Variants in BMP2K observed in about 807,000 individuals in gnomAD.
BMP2K encodes the protein BMP2 inducible kinase.
BMP2K carries 74 observed loss-of-function variants against 116.0 expected under a neutral mutation model. The observed-to-expected ratio is 0.64, with a 90% CI of 0.53 to 0.77. The LOEUF (loss-of-function observed/expected upper bound fraction) is 0.77, where lower values mean the gene tolerates loss of function less well. Among genes scored for constraint, BMP2K ranks in the 30% least tolerant of loss-of-function variants. The pLI, the probability that BMP2K is intolerant of heterozygous loss-of-function variation, is 0.00. For synonymous variants in BMP2K, 486 were observed against 502.5 expected (o/e 0.97, Z 0.44); for missense variants, 1,365 against 1,403.6 (o/e 0.97, Z 0.44).
At chr4:78,900,811 C>T (rs539733720) in intron 15 of BMP2K, among the ~76,000 whole-genome samples, 1 of 152,206 alleles carries the variant, frequency 6.6e-6, no homozygotes, top group South Asian at 2.1e-4. Flanking sequence ...TCCATTTACG[C>T]AAAAATCAAA....
At chr4:78,826,246 G>T in intron 2 of BMP2K, 91 bp downstream of exon 2, 2 of 972,950 alleles carry the variant, frequency 2.1e-6, no homozygotes, top group Non-Finnish European at 3.2e-6. Context: ...GGCACGCCCA[G>T]GCTGGAGCGC....
intron 3 of BMP2K, among the ~76,000 whole-genome samples, chr4:78,835,443 G>A (rs560800763): frequency 6.6e-6 from 1 of 151,874 alleles, no homozygotes; most frequent in Non-Finnish European, 1.5e-5. Flanking sequence ...GGCTAACACG[G>A]TGAAACCCTG....
chr4:78,826,085 G>A lies in BMP2K; in HGVS notation c.227G>A (p.Cys76Tyr). Residue 76 changes from cysteine (C) to tyrosine (Y), a missense_variant, in exon 2 of 16, where the codon TGT (cysteine) becomes TAT (tyrosine). Physicochemically the swap from Cys to Tyr is radical, Grantham distance 194. This residue lies in a region of BMP2K where 762 missense variants were observed against 756.7 expected (regional missense o/e 1.01). Coordinates refer to ENST00000502613, the MANE Select transcript of BMP2K (RefSeq NM_198892.2). ...FLVRTHGGIR[C>Y]ALKRMYVNNM... ...GTGCGTACTCACGGTGGAATCCGAT[G>A]TGCATTGAAGCGAATGTATGTCAAT... The A allele has an allele frequency of 6.2e-7, 1 of 1,614,192 alleles. No homozygotes were observed. Among genetic ancestry groups the A allele is most frequent in the Non-Finnish European group, 8.5e-7 (1 of 1,180,018 alleles).
intron 15 of BMP2K, among the ~76,000 whole-genome samples, chr4:78,905,210 C>T (rs1011909919): frequency 4.6e-5 from 7 of 151,742 alleles, no homozygotes; most frequent in African/African-American, 9.7e-5. Context: ...GATTTTTGCA[C>T]GGCATTTATT....
At chr4:78,799,728 G>C (rs1728477073) in intron 1 of BMP2K, among the ~76,000 whole-genome samples, 1 of 152,092 alleles carries the variant, frequency 6.6e-6, no homozygotes, top group African/African-American at 2.4e-5. Flanking sequence ...CATGTGCTAT[G>C]GTTACAGTGA....
intron 9 of BMP2K, among the ~76,000 whole-genome samples, chr4:78,862,646 C>A (rs1451823612): frequency 1.3e-5 from 2 of 152,038 alleles, no homozygotes; most frequent in Non-Finnish European, 2.9e-5. Context: ...TAATTTTCAA[C>A]CTTCTAGTCA....
intron 13 of BMP2K, among the ~76,000 whole-genome samples, chr4:78,874,633 C>T (rs1353539930): frequency 6.6e-6 from 1 of 152,092 alleles, no homozygotes; most frequent in Non-Finnish European, 1.5e-5. Context: ...ATTGTGTATA[C>T]TTCATATTCT....
chr4:78,829,449 C>T (rs1365323251), intron 2 of BMP2K, among the ~76,000 whole-genome samples: 2 of 148,312 alleles, frequency 1.3e-5, no homozygotes, highest in Non-Finnish European at 3.0e-5. Flanking sequence ...TTACTTCCTT[C>T]ACTGAAGTCA....
At chr4:78,853,452 G>A (rs1731353157) in intron 7 of BMP2K, among the ~76,000 whole-genome samples, 1 of 152,062 alleles carries the variant, frequency 6.6e-6, no homozygotes, top group African/African-American at 2.4e-5. Flanking sequence ...GGGCCGACAT[G>A]GGGGATGAGG....
rs1224701752 is a variant in BMP2K, at chr4:78,912,335, T to C, written c.*302T>C. On this transcript the variant is annotated 3_prime_UTR_variant, in exon 16 of 16. Coordinates refer to ENST00000502613, the MANE Select transcript of BMP2K (RefSeq NM_198892.2). ...TGAAAGCACATGGCACCTTTCTAGG[T>C]GTGTAGCCACTGAGAAGGGACAGTG... 3.5e-6 allele frequency: 1 copy of C among 288,970 alleles called. No homozygotes were observed. The highest frequency in any genetic ancestry group is 2.2e-5 in the African/African-American group (1 of 46,076). The allele number at this position is 288,970 out of a possible 1,614,324, so 17.9% of individuals were successfully genotyped here.
intron 15 of BMP2K, among the ~76,000 whole-genome samples, chr4:78,908,058 G>A (rs905237066): frequency 1.3e-5 from 2 of 152,014 alleles, no homozygotes; most frequent in Non-Finnish European, 2.9e-5. Flanking sequence ...TCATAAATAC[G>A]CTGTGTAGGG....
At chr4:78,795,477 G>A (rs2109942558) in intron 1 of BMP2K, among the ~76,000 whole-genome samples, 1 of 152,068 alleles carries the variant, frequency 6.6e-6, no homozygotes, top group East Asian at 1.9e-4. Context: ...CATAGGCATG[G>A]GCAAGGACTT....
At chr4:78,845,810 C>T (rs1730970749) in intron 5 of BMP2K, among the ~76,000 whole-genome samples, 1 of 151,596 alleles carries the variant, frequency 6.6e-6, no homozygotes, top group Non-Finnish European at 1.5e-5. Flanking sequence ...TCAGAGCCAT[C>T]ATTTGAACTG....
intron 8 of BMP2K, among the ~76,000 whole-genome samples, chr4:78,860,395 T>C (rs1388797628): frequency 2.0e-5 from 3 of 151,918 alleles, no homozygotes; most frequent in Non-Finnish European, 4.4e-5. Flanking sequence ...TTTGTCCTTA[T>C]CAGTGACTGA....
intron 14 of BMP2K, among the ~76,000 whole-genome samples, chr4:78,881,555 T>C (rs1216449584): frequency 1.3e-5 from 2 of 152,154 alleles, no homozygotes; most frequent in Non-Finnish European, 2.9e-5. Flanking sequence ...TTTAGAAAGG[T>C]TTCCTCTCAG....
intron 12 of BMP2K, chr4:78,872,251 A>T: frequency 7.1e-6 from 2 of 283,146 alleles, no homozygotes; most frequent in Non-Finnish European, 1.3e-5. Flanking sequence ...TCTATTGAGT[A>T]AAAAAATGAA....
chr4:78,781,969 G>T (rs755458414), intron 1 of BMP2K, among the ~76,000 whole-genome samples: 1 of 152,202 alleles, frequency 6.6e-6, no homozygotes, highest in African/African-American at 2.4e-5. Flanking sequence ...GTGAGCAGTT[G>T]TGTTGCTGCA....
chr4:78,904,163 A>G (rs1734166187), intron 15 of BMP2K, among the ~76,000 whole-genome samples: 1 of 151,932 alleles, frequency 6.6e-6, no homozygotes, highest in Non-Finnish European at 1.5e-5. Flanking sequence ...CTTTGAAACG[A>G]TAGGAAGTCA....
chr4:78,899,076 G>A (rs867541719), intron 15 of BMP2K: 13 of 152,182 alleles, frequency 8.5e-5, no homozygotes, highest in East Asian at 3.9e-4. Flanking sequence ...TCAAAACTCC[G>A]GTGCTGATCA....
Sources: allele counts gnomAD v4.1 joint callset (sites outside exome capture counted in the v4.1 genomes callset), GRCh38; gene constraint gnomAD v4.1.1; regional missense constraint gnomAD v4.1.1; transcripts MANE v1.5; gene names NCBI Gene and HGNC (gene_info 2026-07-23, HGNC 2026-07-21).